Variants in SP4 observed in about 807,000 individuals in gnomAD.
SP4 encodes transcription factor Sp4.
SP4 carries 19 observed loss-of-function variants against 72.8 expected under a neutral mutation model. The ratio of observed to expected loss-of-function variants is 0.26; its 90% CI spans 0.18 to 0.38. SP4 has a LOEUF of 0.38. Ranked by LOEUF, SP4 falls within the 10% of genes least tolerant of loss-of-function variation. The pLI, the probability that SP4 is intolerant of heterozygous loss-of-function variation, is 1.00. For missense variants in SP4, 1,008 were observed against 926.3 expected, an observed-to-expected ratio of 1.09 and a Z score of -1.14; for synonymous variants, 395 against 333.1, an observed-to-expected ratio of 1.19 and a Z score of -2.02.
chr7:21,468,965 T>G (rs1390494658), intron 3 of SP4, among the ~76,000 whole-genome samples: 2 of 152,200 alleles, frequency 1.3e-5, no homozygotes, highest in Non-Finnish European at 2.9e-5. Flanking sequence ...TATACTCCTG[T>G]AATTTTATAA....
intron 5 of SP4, among the ~76,000 whole-genome samples, chr7:21,483,741 G>A (rs1562618227): frequency 6.6e-6 from 1 of 151,314 alleles, no homozygotes; most frequent in East Asian, 1.9e-4. Context: ...AATGACTGTG[G>A]TTTTATATTA....
In SP4 at chr7:21,503,324, C is replaced by T. The variant is rs775386739; in HGVS notation, c.2108-7698C>T. On this transcript the variant is annotated intron_variant, in intron 5 of 5. Coordinates refer to ENST00000222584, the MANE Select transcript of SP4 (RefSeq NM_003112.5). ...AAATATAGGAGCCCATATAATGACT[C>T]GTAGAGGGGCAATCCCAAGTCTTTT... 2.6e-5 allele frequency among the ~76,000 whole-genome samples: 4 copies of T among 152,232 alleles called. No homozygotes were observed. The East Asian group carries it at 5.8e-4, about 22-fold the overall frequency.
At chr7:21,438,327 G>C (rs1471678494) in intron 3 of SP4, among the ~76,000 whole-genome samples, 1 of 152,104 alleles carries the variant, frequency 6.6e-6, no homozygotes, top group Non-Finnish European at 1.5e-5. Flanking sequence ...AGAGTTCTCT[G>C]TAAGTCTTAA....
At chr7:21,451,805 C>T (rs907331609) in intron 3 of SP4, among the ~76,000 whole-genome samples, 4 of 152,078 alleles carry the variant, frequency 2.6e-5, no homozygotes, top group African/African-American at 7.2e-5. Context: ...AGGCCAAAAA[C>T]GACAAGTAGA....
In SP4 at chr7:21,430,056, G is replaced by C. The variant is rs376902384; in HGVS notation, c.891G>C (p.Gly297=). 6 of 1,614,090 alleles carry C rather than the reference G, an allele frequency of 3.7e-6. No individual in the cohort carries two copies. In the Admixed American group the frequency reaches 1.0e-4, roughly 27 times the overall value. ...AATADSGTSN[G]NQLVSTPTNT... ...CTGCTGATAGTGGGACTTCCAATGGGAATCAATTAGTTTCCACACCCACCA... is the reference window on the plus strand; with the variant it reads ...CTGCTGATAGTGGGACTTCCAATGGCAATCAATTAGTTTCCACACCCACCA... Residue 297 remains glycine (G), a synonymous_variant, in exon 3 of 6, where the codon GGG becomes GGC. Transcript: ENST00000222584.
chr7:21,510,475 C>A (rs1254794267), intron 5 of SP4, among the ~76,000 whole-genome samples: 3 of 152,138 alleles, frequency 2.0e-5, no homozygotes, highest in Non-Finnish European at 4.4e-5. Flanking sequence ...AAACTGTTAT[C>A]TTATGAAACC....
chr7:21,511,535 A>G lies in SP4; in HGVS notation c.*266A>G. ...GAAATATATCACATAACCTTTATAC[A>G]GAATCTTCCCATCTCTTAATATCAT... is the stretch of plus-strand genomic sequence containing the variant. On this transcript the variant is annotated 3_prime_UTR_variant, in exon 6 of 6. Transcript: ENST00000222584. 1 of 353,606 alleles carries G rather than the reference A, an allele frequency of 2.8e-6. No individual in the cohort carries two copies. Among genetic ancestry groups the G allele is most frequent in the Non-Finnish European group, 5.2e-6 (1 of 193,470 alleles). 21.9% of individuals were successfully genotyped at this position (353,606 alleles called of 1,614,324 possible).
rs769651992 is a variant in SP4 at position 21,430,623 on chromosome 7, G to C, written c.1458G>C (p.Gln486His). ...NIQSLSNLQVQNAGLSQQLTI... is the reference protein window; with the variant it reads ...NIQSLSNLQVHNAGLSQQLTI... ...AGAGTCTTTCAAATTTGCAAGTTCA[G>C]AATGCTGGGTTATCCCAACAATTAA... Residue 486 changes from glutamine to histidine, a missense_variant, in exon 3 of 6, where the codon CAG becomes CAC. By Grantham distance (24) the Gln-to-His change is conservative. This residue lies in a region of SP4 where 893 missense variants were observed against 743.3 expected (regional missense o/e 1.20). Transcript: ENST00000222584. The C allele has an allele frequency of 6.8e-6, 11 of 1,614,120 alleles. No homozygotes were observed. Among genetic ancestry groups the C allele is most frequent in the Non-Finnish European group, 8.5e-6 (10 of 1,180,056 alleles).
chr7:21,460,593 T>A (rs1339258341), intron 3 of SP4, among the ~76,000 whole-genome samples: 1 of 152,146 alleles, frequency 6.6e-6, no homozygotes, highest in Non-Finnish European at 1.5e-5. Context: ...CTGCTTTTAT[T>A]TTCTTATCTG....
At chr7:21,470,681 A>G (rs909689583) in intron 3 of SP4, among the ~76,000 whole-genome samples, 7 of 150,994 alleles carry the variant, frequency 4.6e-5, no homozygotes, top group African/African-American at 9.8e-5. Flanking sequence ...ATAGTTAGCA[A>G]TTCAGATGTC....
chr7:21,443,131 G>A (rs143077026), intron 3 of SP4, among the ~76,000 whole-genome samples: 2 of 152,274 alleles, frequency 1.3e-5, no homozygotes, highest in East Asian at 3.9e-4. Context: ...TAGAGTCTGT[G>A]TTATATATGT....
intron 5 of SP4, among the ~76,000 whole-genome samples, chr7:21,491,553 T>C (rs2128413653): frequency 6.6e-6 from 1 of 152,220 alleles, no homozygotes; most frequent in Non-Finnish European, 1.5e-5. Context: ...GTTCAGGAAG[T>C]TCGTTGAATC....
intron 5 of SP4, among the ~76,000 whole-genome samples, chr7:21,493,787 A>G (rs1422205991): frequency 2.0e-5 from 3 of 152,198 alleles, no homozygotes; most frequent in South Asian, 2.1e-4. Flanking sequence ...ACCAAATTCT[A>G]CAATTTCTTT....
At chr7:21,490,029 G>A (rs964012998) in intron 5 of SP4, among the ~76,000 whole-genome samples, 21 of 152,220 alleles carry the variant, frequency 1.4e-4, no homozygotes, top group African/African-American at 5.1e-4. Context: ...CTGTTGGCCA[G>A]AATGGACCAA....
chr7:21,501,349 C>T (rs1781857809), intron 5 of SP4, among the ~76,000 whole-genome samples: 1 of 151,802 alleles, frequency 6.6e-6, no homozygotes, highest in Admixed American at 6.6e-5. Flanking sequence ...AAAGTCCCTC[C>T]TCTTTTCTGT....
chr7:21,496,579 G>C (rs1489227734), intron 5 of SP4, among the ~76,000 whole-genome samples: 4 of 152,130 alleles, frequency 2.6e-5, no homozygotes, highest in Admixed American at 6.5e-5. Flanking sequence ...CTTTGTCTTT[G>C]TCTTTCAGCA....
At chr7:21,441,658 G>A (rs1242745617) in intron 3 of SP4, among the ~76,000 whole-genome samples, 1 of 152,204 alleles carries the variant, frequency 6.6e-6, no homozygotes, top group Non-Finnish European at 1.5e-5. Flanking sequence ...ATAAAAGGAT[G>A]TTGTTGCAGT....
intron 5 of SP4, among the ~76,000 whole-genome samples, chr7:21,489,810 G>A (rs753339173): frequency 1.4e-4 from 22 of 151,826 alleles, no homozygotes; most frequent in Non-Finnish European, 3.2e-4. Flanking sequence ...CACCCGCCTC[G>A]GCCTCCCAAA....
At chr7:21,470,842 T>C (rs983977712) in intron 3 of SP4, among the ~76,000 whole-genome samples, 2 of 150,886 alleles carry the variant, frequency 1.3e-5, no homozygotes, top group Non-Finnish European at 2.9e-5. Flanking sequence ...CCTCTGGTAA[T>C]GTGGAAGAAA....
Sources: gnomAD v4.1 joint callset for allele counts (sites outside exome capture counted in the v4.1 genomes callset) on GRCh38, gnomAD v4.1.1 for gene constraint, gnomAD v4.1.1 regional missense constraint, MANE v1.5 for transcripts, NCBI Gene and HGNC (gene_info 2026-07-23, HGNC 2026-07-21) for gene names.